ADAMTS20: variants seen among roughly 807,000 people sequenced by gnomAD.
The protein encoded by ADAMTS20 is A disintegrin and metalloproteinase with thrombospondin motifs 20.
ADAMTS20 carries 225 observed loss-of-function variants against 260.1 expected under a neutral mutation model. That is an observed-to-expected ratio of 0.87 (90% CI 0.78 to 0.97). ADAMTS20 has a LOEUF of 0.97. Ranked by LOEUF, ADAMTS20 falls within the 50% of genes least tolerant of loss-of-function variation. The pLI is 0.00. For missense variants in ADAMTS20, 2,400 were observed against 2,337.7 expected (o/e 1.03, Z -0.55); for synonymous variants, 802 against 769.5 (o/e 1.04, Z -0.70).
chr12:43,355,746 A>C (rs1002177947), intron 38 of ADAMTS20, among the ~76,000 whole-genome samples: 8 of 152,146 alleles, frequency 5.3e-5, no homozygotes, highest in Admixed American at 3.9e-4. Context: ...AATAACCATA[A>C]GTAATAGAAA....
intron 14 of ADAMTS20, among the ~76,000 whole-genome samples, chr12:43,449,441 A>G (rs1021661382): frequency 1.3e-5 from 2 of 152,110 alleles, no homozygotes. Context: ...TGATGAGAAC[A>G]TATGGGCACA....
chr12:43,524,254 A>G (rs1943111819), intron 3 of ADAMTS20, among the ~76,000 whole-genome samples: 1 of 39,716 alleles, frequency 2.5e-5, no homozygotes, highest in Non-Finnish European at 5.1e-5. Flanking sequence ...AGGAACTCAT[A>G]CAGTCTTCAC....
chr12:43,439,805 C>A, intron 17 of ADAMTS20, 54 bp from the exon 18 acceptor site: 1 of 1,556,948 alleles, frequency 6.4e-7, no homozygotes, highest in South Asian at 1.2e-5. Flanking sequence ...ATATTCTTGA[C>A]ATCATTTTAT....
In ADAMTS20 at chr12:43,452,262, T is replaced by A. The variant is rs11182083; in HGVS notation, c.2079+12A>T. 6.3e-7 allele frequency: 1 copy of A among 1,582,124 alleles called. No homozygotes were observed. Among genetic ancestry groups the A allele is most frequent in the East Asian group, 2.2e-5 (1 of 44,708 alleles). On this transcript the variant is annotated intron_variant, in intron 14 of 38. Transcript: ENST00000389420. ...TCACTTTAAATCTAATAGAAACTTA[T>A]AGTTTACTTACCATACACTGGCCTT... is the stretch of plus-strand genomic sequence containing the variant.
intron 3 of ADAMTS20, among the ~76,000 whole-genome samples, chr12:43,511,481 C>T (rs932645375): frequency 6.6e-6 from 1 of 150,726 alleles, no homozygotes; most frequent in African/African-American, 2.4e-5. Context: ...AGTAAATGTT[C>T]GTGGAAAGAA....
chr12:43,369,461 CT>C, intron 36 of ADAMTS20, 80 bp from the exon 37 acceptor site: 1 of 684,286 alleles, frequency 1.5e-6, no homozygotes, highest in Non-Finnish European at 2.1e-6. Flanking sequence ...TTTCTTATTA[CT>C]TACTTAGTAA....
rs1162659084 is a variant in ADAMTS20 at position 43,550,907 on chromosome 12, A to G, written c.453+2T>C. 3 of 1,548,396 alleles carry G rather than the reference A, an allele frequency of 1.9e-6. No homozygotes were observed. In the South Asian group the frequency reaches 3.7e-5, roughly 19 times the overall value. On this transcript the variant is annotated splice_donor_variant, in intron 2 of 38. Coordinates refer to ENST00000389420, the MANE Select transcript of ADAMTS20 (RefSeq NM_025003.5). LOFTEE classifies it high-confidence loss of function. Reference sequence around the variant, plus strand: ...AATGCCAAGGGACCCGAGGACACTCACCAGGCCTCCGCATAAGCTGACGAC... The same window carrying G: ...AATGCCAAGGGACCCGAGGACACTCGCCAGGCCTCCGCATAAGCTGACGAC...
At chr12:43,368,778 T>C (rs1565667622) in intron 37 of ADAMTS20, among the ~76,000 whole-genome samples, 1 of 152,002 alleles carries the variant, frequency 6.6e-6, no homozygotes, top group East Asian at 1.9e-4. Context: ...ATGCTCTGTA[T>C]TGGAAATCAT....
chr12:43,543,518 T>C (rs1185537955), intron 2 of ADAMTS20, among the ~76,000 whole-genome samples: 1 of 152,198 alleles, frequency 6.6e-6, no homozygotes, highest in African/African-American at 2.4e-5. Context: ...TAATTTATCT[T>C]TTTAATTCAT....
At chr12:43,402,880 T>G (rs919139204) in intron 28 of ADAMTS20, among the ~76,000 whole-genome samples, 1 of 152,084 alleles carries the variant, frequency 6.6e-6, no homozygotes, top group African/African-American at 2.4e-5. Flanking sequence ...TGAGATTTTT[T>G]TTTTCCATGA....
At chr12:43,544,982 C>T (rs1026255435) in intron 2 of ADAMTS20, among the ~76,000 whole-genome samples, 6 of 152,144 alleles carry the variant, frequency 3.9e-5, no homozygotes, top group African/African-American at 2.4e-5. Context: ...CAGTAGCATG[C>T]TCGCCTCAAT....
In ADAMTS20 at chr12:43,439,663, T is replaced by A. The variant is rs548038081; in HGVS notation, c.2552A>T (p.Asp851Val). Residue 851 changes from aspartate (D) to valine (V), a missense_variant, in exon 18 of 39, where the codon GAC becomes GTC. Asp to Val is a radical substitution (Grantham distance 152). Coordinates refer to ENST00000389420, the MANE Select transcript of ADAMTS20 (RefSeq NM_025003.5). ...LEERSDMFTWDPYGPWEGCTK... is the reference protein window; with the variant it reads ...LEERSDMFTWVPYGPWEGCTK... Reference sequence around the variant, plus strand: ...ACAGCCTTCCCATGGTCCATAGGGGTCCCATGTGAACATGTCACTCCTCTC... The same window carrying A: ...ACAGCCTTCCCATGGTCCATAGGGGACCCATGTGAACATGTCACTCCTCTC... 2 of 1,613,598 alleles carry A rather than the reference T, an allele frequency of 1.2e-6. No homozygotes were observed. Among genetic ancestry groups the A allele is most frequent in the Non-Finnish European group, 1.7e-6 (2 of 1,179,796 alleles).
At chr12:43,481,402 T>A (rs1942440121) in intron 7 of ADAMTS20, among the ~76,000 whole-genome samples, 1 of 152,206 alleles carries the variant, frequency 6.6e-6, no homozygotes, top group African/African-American at 2.4e-5. Flanking sequence ...ACAGCAAATA[T>A]TTTTCTTAAT....
At chr12:43,471,045 G>T (rs1032184954) in intron 7 of ADAMTS20, among the ~76,000 whole-genome samples, 1 of 152,104 alleles carries the variant, frequency 6.6e-6, no homozygotes, top group African/African-American at 2.4e-5. Flanking sequence ...CGCAGAAGAC[G>T]GGTGATTTCT....
At chr12:43,374,473 A>G (rs948531345) in intron 36 of ADAMTS20, among the ~76,000 whole-genome samples, 1 of 152,176 alleles carries the variant, frequency 6.6e-6, no homozygotes, top group East Asian at 1.9e-4. Context: ...ATGAAGTTCT[A>G]TAAATACGTT....
At chr12:43,397,734 C>A (rs1940733428) in intron 29 of ADAMTS20, among the ~76,000 whole-genome samples, 2 of 152,158 alleles carry the variant, frequency 1.3e-5, no homozygotes, top group African/African-American at 4.8e-5. Context: ...AATATAGAAG[C>A]AAATGCCCAA....
At chr12:43,492,155 T>G (rs1476647495) in intron 6 of ADAMTS20, among the ~76,000 whole-genome samples, 1 of 151,712 alleles carries the variant, frequency 6.6e-6, no homozygotes, top group Non-Finnish European at 1.5e-5. Flanking sequence ...CCGAGGTGGG[T>G]GGATCACGAG....
chr12:43,459,231 C>T (rs1257117771), intron 11 of ADAMTS20, among the ~76,000 whole-genome samples: 2 of 152,214 alleles, frequency 1.3e-5, no homozygotes, highest in Non-Finnish European at 2.9e-5. Context: ...CCGGATCCAA[C>T]AGGGTGTCTG....
chr12:43,457,666 C>T (rs950090878), intron 11 of ADAMTS20, among the ~76,000 whole-genome samples: 3 of 152,190 alleles, frequency 2.0e-5, no homozygotes, highest in African/African-American at 4.8e-5. Context: ...ACATCTGATA[C>T]ATTAGCTAGA....
Sources: gnomAD v4.1 joint callset for allele counts (sites outside exome capture counted in the v4.1 genomes callset) on GRCh38, gnomAD v4.1.1 for gene constraint, MANE v1.5 for transcripts, NCBI Gene and HGNC (gene_info 2026-07-23, HGNC 2026-07-21) for gene names.